Variants in RUVBL1 observed in about 807,000 individuals in gnomAD.
RUVBL1 encodes ruvB-like 1.
Under a neutral mutation model 52.4 loss-of-function variants are expected in RUVBL1, and 4 were observed. The observed-to-expected ratio is 0.08, with a 90% CI of 0.04 to 0.17. The LOEUF (loss-of-function observed/expected upper bound fraction) is 0.17. RUVBL1 is among the 10% of genes least tolerant of loss of function. The pLI is 1.00. For synonymous variants in RUVBL1, 217 were observed against 214.4 expected, an observed-to-expected ratio of 1.01 and a Z score of -0.10; for missense variants, 298 against 572.8, an observed-to-expected ratio of 0.52 and a Z score of 4.90.
intron 1 of RUVBL1, among the ~76,000 whole-genome samples, chr3:128,144,484 T>A (rs1944074577): frequency 6.6e-6 from 1 of 152,194 alleles, no homozygotes; most frequent in Admixed American, 6.5e-5. Context: ...CGTCACTAAT[T>A]TTCCCAGGGA....
chr3:128,077,322 T>A (rs1390765535), downstream of RUVBL1, among the ~76,000 whole-genome samples: 1 of 148,306 alleles, frequency 6.7e-6, no homozygotes, highest in African/African-American at 2.5e-5. Context: ...CCAGCCCCCC[T>A]GCCCAGGCCT....
At chr3:128,118,852 T>G (rs1007795556) in intron 2 of RUVBL1, among the ~76,000 whole-genome samples, 1 of 152,218 alleles carries the variant, frequency 6.6e-6, no homozygotes, top group African/African-American at 2.4e-5. Context: ...CTTTCTGCCC[T>G]GGAGAGACTG....
At chr3:128,092,208 A>G (rs1309196183) in intron 8 of RUVBL1, among the ~76,000 whole-genome samples, 4 of 152,260 alleles carry the variant, frequency 2.6e-5, no homozygotes, top group Non-Finnish European at 5.9e-5. Context: ...AATTAACTAC[A>G]AATGGATCAT....
At chr3:128,153,198 C>T in intron 1 of RUVBL1, 1 of 1,291,522 alleles carries the variant, frequency 7.7e-7, no homozygotes, top group Non-Finnish European at 9.8e-7. Flanking sequence ...CAAGTCTCCA[C>T]TCACCCAGAA....
intron 1 of RUVBL1, among the ~76,000 whole-genome samples, chr3:128,136,079 C>T (rs895669464): frequency 6.6e-6 from 1 of 151,540 alleles, no homozygotes; most frequent in Admixed American, 6.6e-5. Context: ...TTGCAAGCCT[C>T]ATGGTAACCA....
chr3:128,130,895 C>T (rs554940973), intron 1 of RUVBL1, among the ~76,000 whole-genome samples: 17 of 151,962 alleles, frequency 1.1e-4, no homozygotes, highest in African/African-American at 4.1e-4. Context: ...CGTGATCTGC[C>T]CACCTCGGCC....
At chr3:128,109,501 C>G (rs915363879) in intron 3 of RUVBL1, among the ~76,000 whole-genome samples, 12 of 152,088 alleles carry the variant, frequency 7.9e-5, no homozygotes, top group African/African-American at 2.9e-4. Context: ...CATGTCTCAG[C>G]CTCCCGATTT....
At position 128,113,130 on chromosome 3, in the gene RUVBL1, A is replaced by C. The variant is rs1019637583; in HGVS notation, c.229-110T>G. The C allele has an allele frequency of 4.9e-6, 6 of 1,227,846 alleles. No individual in the cohort carries two copies. In the African/African-American group the frequency reaches 9.1e-5, roughly 19 times the overall value. 76.1% of individuals were successfully genotyped at this position (1,227,846 alleles called of 1,614,324 possible). On this transcript the variant is annotated intron_variant, in intron 2 of 10. Transcript: ENST00000322623. ...TAGGAACAGCTGAACATCTAGTCCT[A>C]CCATTTAGCATGTTTCACACAATAA...
chr3:128,150,644 TATATTCTATAC>T (rs1206343086), intron 1 of RUVBL1, among the ~76,000 whole-genome samples: 2 of 135,890 alleles, frequency 1.5e-5, no homozygotes, highest in Admixed American at 8.1e-5. Context: ...ATTCTATACA[TATATTCTATAC>T]ATATTCTATA....
chr3:128,088,137 C>G (rs1237872208), intron 8 of RUVBL1, among the ~76,000 whole-genome samples: 1 of 151,970 alleles, frequency 6.6e-6, no homozygotes, highest in East Asian at 1.9e-4. Flanking sequence ...TGGTGCACAC[C>G]TGTAATCCCA....
chr3:128,151,824 C>T, intron 1 of RUVBL1, among the ~76,000 whole-genome samples: 1 of 152,150 alleles, frequency 6.6e-6, no homozygotes, highest in East Asian at 1.9e-4. Flanking sequence ...ACGAAGGAGG[C>T]AGTTACTGCA....
At chr3:128,102,129 A>C (rs1281960643) in intron 4 of RUVBL1, among the ~76,000 whole-genome samples, 1 of 152,234 alleles carries the variant, frequency 6.6e-6, no homozygotes, top group Non-Finnish European at 1.5e-5. Flanking sequence ...CAACTGAAGT[A>C]CCTGCCAGCA....
chr3:128,148,666 C>T (rs1944139499), intron 1 of RUVBL1, among the ~76,000 whole-genome samples: 1 of 152,142 alleles, frequency 6.6e-6, no homozygotes, highest in Admixed American at 6.5e-5. Context: ...AGGGCTGAGC[C>T]CTGGGACCTT....
At chr3:128,145,542 G>A (rs1324339449) in intron 1 of RUVBL1, among the ~76,000 whole-genome samples, 1 of 152,210 alleles carries the variant, frequency 6.6e-6, no homozygotes, top group African/African-American at 2.4e-5. Flanking sequence ...GAAGTAGCCC[G>A]CGGGCGAGTG....
chr3:128,066,006 C>T (rs560835724), intron 9 of RUVBL1, among the ~76,000 whole-genome samples: 1 of 151,988 alleles, frequency 6.6e-6, no homozygotes, highest in East Asian at 1.9e-4. Flanking sequence ...CATTACAAAG[C>T]GCTGGGATTA....
intron 9 of RUVBL1, among the ~76,000 whole-genome samples, chr3:128,085,692 G>C (rs1159235847): frequency 1.3e-5 from 2 of 152,196 alleles, no homozygotes; most frequent in Admixed American, 1.3e-4. Flanking sequence ...TCCTGCATGC[G>C]GTAAGAGATG....
intron 2 of RUVBL1, among the ~76,000 whole-genome samples, chr3:128,114,993 G>A (rs1943487508): frequency 6.7e-6 from 1 of 149,766 alleles, no homozygotes; most frequent in Non-Finnish European, 1.5e-5. Flanking sequence ...ATTAAAATAT[G>A]ATAAATACTT....
At chr3:128,100,188 A>G (rs766941963) in intron 6 of RUVBL1, among the ~76,000 whole-genome samples, 1 of 152,232 alleles carries the variant, frequency 6.6e-6, no homozygotes, top group Non-Finnish European at 1.5e-5. Flanking sequence ...TCAAAGCTAA[A>G]ACACTGTGGC....
In RUVBL1 at chr3:128,120,804, T is replaced by C. The variant is rs533892967; in HGVS notation, c.142-1390A>G. ...CCTAGCTAATTTCTTGTATTTTTAG[T>C]AGAGAAGGGGTTTCACCATGTTAGC... On this transcript the variant is annotated intron_variant, in intron 1 of 10. Coordinates refer to ENST00000322623, the MANE Select transcript of RUVBL1 (RefSeq NM_003707.3). Among the ~76,000 whole-genome samples, 3 of 152,038 alleles carry C rather than the reference T, an allele frequency of 2.0e-5. No homozygotes were observed. The East Asian group carries it at 5.9e-4, about 30-fold the overall frequency.
Sources: gnomAD v4.1 joint callset for allele counts (sites outside exome capture counted in the v4.1 genomes callset) on GRCh38, gnomAD v4.1.1 for gene constraint, MANE v1.5 for transcripts, NCBI Gene and HGNC (gene_info 2026-07-23, HGNC 2026-07-21) for gene names.